The following CLEC2L variants were observed in gnomAD, a reference collection of about 807,000 sequenced individuals.
The protein encoded by CLEC2L is C-type lectin domain family 2 member L.
A neutral mutation model predicts 23.6 loss-of-function variants in CLEC2L; 14 were observed. The ratio of observed to expected loss-of-function variants is 0.59; its 90% CI spans 0.39 to 0.93. The LOEUF (loss-of-function observed/expected upper bound fraction) is 0.93. CLEC2L is among the 40% of genes least tolerant of loss of function. CLEC2L has a pLI of 0.00. For missense variants in CLEC2L, 264 were observed against 282.4 expected (o/e 0.93, Z 0.47); for synonymous variants, 114 against 121.3 (o/e 0.94, Z 0.40).
At chr7:139,530,603 A>G (rs1797567945) in intron 1 of CLEC2L, among the ~76,000 whole-genome samples, 1 of 152,176 alleles carries the variant, frequency 6.6e-6, no homozygotes, top group African/African-American at 2.4e-5. Context: ...ACCTGAGGTC[A>G]GGAGTTTGAG....
chr7:139,534,325 A>T (rs1797622287), intron 1 of CLEC2L: 15 of 1,399,408 alleles, frequency 1.1e-5, no homozygotes, highest in Non-Finnish European at 1.5e-5. Flanking sequence ...GAATGAATGC[A>T]TGGAAGGCGT....
intron 1 of CLEC2L, among the ~76,000 whole-genome samples, chr7:139,530,422 G>A (rs1004390225): frequency 1.3e-5 from 2 of 152,130 alleles, no homozygotes; most frequent in African/African-American, 4.8e-5. Flanking sequence ...CTGAGAACAG[G>A]AGGACTGGTT....
chr7:139,537,227 G>A (rs1009379944), intron 2 of CLEC2L, among the ~76,000 whole-genome samples: 3 of 152,160 alleles, frequency 2.0e-5, no homozygotes, highest in Non-Finnish European at 4.4e-5. Flanking sequence ...GAGAGTGCTA[G>A]GGAGGAAAAA....
intron 1 of CLEC2L, among the ~76,000 whole-genome samples, chr7:139,525,388 C>A (rs753069723): frequency 2.0e-5 from 3 of 152,072 alleles, no homozygotes; most frequent in Non-Finnish European, 4.4e-5. Flanking sequence ...GGCCAGGGGA[C>A]GTGCACTGTC....
intron 1 of CLEC2L, among the ~76,000 whole-genome samples, chr7:139,529,674 G>C (rs1405044976): frequency 3.3e-5 from 5 of 152,210 alleles, no homozygotes; most frequent in Non-Finnish European, 5.9e-5. Flanking sequence ...CATAGACCTT[G>C]CCAATAGGAA....
chr7:139,541,001 T>C (rs1189759965), intron 3 of CLEC2L, among the ~76,000 whole-genome samples: 2 of 152,100 alleles, frequency 1.3e-5, no homozygotes, highest in Non-Finnish European at 2.9e-5. Context: ...CTGGGTAACA[T>C]AGCAAGACTT....
In CLEC2L at chr7:139,540,284, G is replaced by C. The variant is rs775544429; in HGVS notation, c.266-37G>C. 3.8e-6 allele frequency: 6 copies of C among 1,575,194 alleles called. No homozygotes were observed. Among genetic ancestry groups the C allele is most frequent in the East Asian group, 2.3e-5 (1 of 43,228 alleles). On this transcript the variant is annotated intron_variant, in intron 2 of 4. Coordinates refer to ENST00000422142, the MANE Select transcript of CLEC2L (RefSeq NM_001080511.4). The surrounding 1 kb of genome is among the most constrained non-coding windows in gnomAD (Gnocchi z 5.8). Reference sequence around the variant, plus strand: ...GAAAGCAGAGTGGGACTCGGGCTGGGGGGGCGGGCAGGGCCGAGCTGGTCT... The same window carrying C: ...GAAAGCAGAGTGGGACTCGGGCTGGCGGGGCGGGCAGGGCCGAGCTGGTCT...
intron 1 of CLEC2L, among the ~76,000 whole-genome samples, chr7:139,535,969 C>T (rs1192061038): frequency 1.3e-5 from 2 of 152,252 alleles, no homozygotes; most frequent in Admixed American, 6.5e-5. Flanking sequence ...AGCAGTGGAT[C>T]GCAAACTCCA....
At chr7:139,538,395 G>A (rs563237819) in intron 2 of CLEC2L, among the ~76,000 whole-genome samples, 3 of 147,832 alleles carry the variant, frequency 2.0e-5, no homozygotes, top group East Asian at 2.0e-4. Flanking sequence ...ATTGTGCCAC[G>A]CACTCCAGCC....
At chr7:139,528,209 A>G (rs546426459) in intron 1 of CLEC2L, among the ~76,000 whole-genome samples, 6 of 152,240 alleles carry the variant, frequency 3.9e-5, no homozygotes, top group Admixed American at 1.3e-4. Flanking sequence ...ATGTGACTGC[A>G]TATGGAAATA....
chr7:139,535,654 CAA>C (rs956244286), intron 1 of CLEC2L, among the ~76,000 whole-genome samples: 26 of 151,904 alleles, frequency 1.7e-4, no homozygotes, highest in African/African-American at 6.3e-4. Context: ...ATGAAAATAA[CAA>C]AGAGAGAACC....
chr7:139,524,451 T>C (rs1429723410), intron 1 of CLEC2L, among the ~76,000 whole-genome samples: 2 of 151,964 alleles, frequency 1.3e-5, no homozygotes, highest in African/African-American at 4.8e-5. Context: ...CAGACAGGCG[T>C]GTTGAGAGGG....
intron 1 of CLEC2L, among the ~76,000 whole-genome samples, chr7:139,524,575 G>C (rs973954898): frequency 6.6e-6 from 1 of 150,396 alleles, no homozygotes; most frequent in Middle Eastern, 3.2e-3. Context: ...TGGGGCATGT[G>C]GGGAGGGCAG....
At chr7:139,537,961 G>T (rs147199617) in intron 2 of CLEC2L, among the ~76,000 whole-genome samples, 96 of 152,320 alleles carry the variant, frequency 6.3e-4, no homozygotes, top group African/African-American at 2.2e-3. Context: ...GTGTATTGTA[G>T]GTTCTGAAGG....
intron 1 of CLEC2L, among the ~76,000 whole-genome samples, chr7:139,533,562 G>T (rs1347043589): frequency 6.6e-6 from 1 of 152,106 alleles, no homozygotes; most frequent in East Asian, 1.9e-4. Flanking sequence ...CACCAGGTTG[G>T]CCAGGCTGGT....
chr7:139,540,228 C>G lies in CLEC2L; in HGVS notation c.266-93C>G. ...CCACATCTGCAGTGTCCCTGCAGGA[C>G]GCCAAAGCTGAGGCAGGGGAGGGAG... On this transcript the variant is annotated intron_variant, in intron 2 of 4. Coordinates refer to ENST00000422142, the MANE Select transcript of CLEC2L (RefSeq NM_001080511.4). The surrounding 1 kb of genome is among the most constrained non-coding windows in gnomAD (Gnocchi z 5.8). The G allele has an allele frequency of 1.5e-6, 2 of 1,320,492 alleles. No individual in the cohort carries two copies. Among genetic ancestry groups the G allele is most frequent in the Non-Finnish European group, 2.1e-6 (2 of 956,168 alleles). 81.8% of individuals were successfully genotyped at this position (1,320,492 alleles called of 1,614,324 possible). A position where few individuals can be genotyped will look rare whatever the true frequency, so the allele number is the denominator to read the frequency against.
chr7:139,529,979 A>T (rs1052768447), intron 1 of CLEC2L, among the ~76,000 whole-genome samples: 5 of 151,766 alleles, frequency 3.3e-5, no homozygotes. Flanking sequence ...GAGGCAGGAG[A>T]ATCACTTGAG....
rs1208489579 is a variant in CLEC2L at position 139,524,149 on chromosome 7, C to T, written c.190+32C>T. 4.1e-6 allele frequency: 5 copies of T among 1,205,934 alleles called. No homozygotes were observed. In the East Asian group the frequency reaches 1.7e-4, roughly 40 times the overall value. 74.7% of individuals were successfully genotyped at this position (1,205,934 alleles called of 1,614,324 possible). A position where few individuals can be genotyped will look rare whatever the true frequency, so the allele number is the denominator to read the frequency against. On this transcript the variant is annotated intron_variant, in intron 1 of 4. Transcript: ENST00000422142. Reference sequence around the variant, plus strand: ...GCGGAGCGGCCTCCCTCTCCTGGCCCAGGGACCCCTGCCCAGGCCCGACCC... The same window carrying T: ...GCGGAGCGGCCTCCCTCTCCTGGCCTAGGGACCCCTGCCCAGGCCCGACCC...
Position 139,523,739 on chromosome 7 carries a change from C to A in CLEC2L, c.-189C>A, listed in dbSNP as rs561839306. 315 of 219,046 alleles carry A rather than the reference C, an allele frequency of 1.4e-3. 1 individual carries two copies. Among genetic ancestry groups the A allele is most frequent in the African/African-American group, 7.0e-3 (298 of 42,804 alleles). The allele number at this position is 219,046 out of a possible 1,614,324, so 13.6% of individuals were successfully genotyped here. A position where few individuals can be genotyped will look rare whatever the true frequency, so the allele number is the denominator to read the frequency against. ...GGCGGGGCAGGCGCTGAGCGCACCG[C>A]GGCGGCACCCGGCGCAGAGGCTCCA... On this transcript the variant is annotated 5_prime_UTR_variant, in exon 1 of 5. Coordinates refer to ENST00000422142, the MANE Select transcript of CLEC2L (RefSeq NM_001080511.4). The surrounding 1 kb of genome is among the most constrained non-coding windows in gnomAD (Gnocchi z 4.1).
Sources: allele counts gnomAD v4.1 joint callset (sites outside exome capture counted in the v4.1 genomes callset), GRCh38; gene constraint gnomAD v4.1.1; non-coding constraint Gnocchi (gnomAD v3.1); transcripts MANE v1.5; gene names NCBI Gene and HGNC (gene_info 2026-07-23, HGNC 2026-07-21).